FBXL13: variants seen among roughly 807,000 people sequenced by gnomAD.
FBXL13 encodes F-box and leucine rich repeat protein 13, also known as F-box and leucine-rich repeat protein 13.
A neutral mutation model predicts 83.6 loss-of-function variants in FBXL13; 67 were observed. The ratio of observed to expected loss-of-function variants is 0.80; its 90% CI spans 0.66 to 0.98. FBXL13 has a LOEUF of 0.98. FBXL13 is among the 50% of genes least tolerant of loss of function. FBXL13 has a pLI of 0.00. For synonymous variants in FBXL13, 272 were observed against 299.5 expected (o/e 0.91, Z 0.95); for missense variants, 822 against 866.5 (o/e 0.95, Z 0.64).
intron 6 of FBXL13, among the ~76,000 whole-genome samples, chr7:102,969,226 G>C (rs566150728): frequency 1.1e-4 from 17 of 152,026 alleles, no homozygotes; most frequent in African/African-American, 3.9e-4. Context: ...TATTTTTACT[G>C]TACATTTTCT....
At chr7:102,850,714 A>G (rs763709760) in intron 17 of FBXL13, among the ~76,000 whole-genome samples, 39 of 152,184 alleles carry the variant, frequency 2.6e-4, no homozygotes, top group Admixed American at 1.3e-4. Flanking sequence ...AAGAGTTACA[A>G]TATTTCCAAT....
exon 13 of FBXL13, chr7:102,883,578 G>C: frequency 6.2e-7 from 1 of 1,607,544 alleles, no homozygotes; most frequent in Non-Finnish European, 8.5e-7. Flanking sequence ...CTTCAAATCG[G>C]ATCTTTCTGA....
At chr7:102,917,521 A>G (rs1816144948) in intron 10 of FBXL13, among the ~76,000 whole-genome samples, 1 of 152,156 alleles carries the variant, frequency 6.6e-6, no homozygotes, top group Non-Finnish European at 1.5e-5. Context: ...AGATGGCGAG[A>G]CTTAAGGTGT....
intron 16 of FBXL13, among the ~76,000 whole-genome samples, chr7:102,855,072 T>A (rs1805837265): frequency 6.6e-6 from 1 of 152,196 alleles, no homozygotes; most frequent in Non-Finnish European, 1.5e-5. Context: ...TTGTCTCTAA[T>A]GTTTTACAAA....
chr7:102,987,773 GT>G (rs1464267138), intron 6 of FBXL13, among the ~76,000 whole-genome samples: 1 of 152,152 alleles, frequency 6.6e-6, no homozygotes, highest in Non-Finnish European at 1.5e-5. Context: ...TGGATGACAA[GT>G]GATGACACCA....
At chr7:103,047,677 T>A (rs1176120050) in intron 2 of FBXL13, among the ~76,000 whole-genome samples, 2 of 152,200 alleles carry the variant, frequency 1.3e-5, no homozygotes, top group Non-Finnish European at 2.9e-5. Context: ...ATATTAGAAT[T>A]TTATAAGTCC....
At chr7:102,994,845 AC>A (rs970041572) in intron 6 of FBXL13, among the ~76,000 whole-genome samples, 3 of 152,112 alleles carry the variant, frequency 2.0e-5, no homozygotes, top group African/African-American at 7.2e-5. Flanking sequence ...AGCTATGACA[AC>A]CCCAAAGTTA....
At chr7:102,824,564 C>T (rs1182026146) in intron 18 of FBXL13, among the ~76,000 whole-genome samples, 1 of 152,112 alleles carries the variant, frequency 6.6e-6, no homozygotes, top group Non-Finnish European at 1.5e-5. Flanking sequence ...CGGCTCACTG[C>T]AACCTCTGCC....
intron 8 of FBXL13, among the ~76,000 whole-genome samples, chr7:102,957,568 GA>G (rs1207848545): frequency 6.6e-6 from 1 of 151,788 alleles, no homozygotes; most frequent in East Asian, 1.9e-4. Context: ...TTCTGCACGG[GA>G]AAAAAACTGC....
intron 2 of FBXL13, among the ~76,000 whole-genome samples, chr7:103,053,049 G>A (rs894921645): frequency 6.6e-6 from 1 of 150,636 alleles, no homozygotes; most frequent in South Asian, 2.1e-4. Context: ...GAGCCACTGC[G>A]CCCAGCCGAC....
intron 6 of FBXL13, among the ~76,000 whole-genome samples, chr7:103,014,148 C>A (rs1337299874): frequency 6.6e-6 from 1 of 152,106 alleles, no homozygotes; most frequent in Non-Finnish European, 1.5e-5. Context: ...TAAGTCATGA[C>A]AGTAAGATTA....
At chr7:103,042,067 G>A (rs1333670761) in intron 2 of FBXL13, among the ~76,000 whole-genome samples, 1 of 152,188 alleles carries the variant, frequency 6.6e-6, no homozygotes, top group East Asian at 1.9e-4. Flanking sequence ...TGTATATTTA[G>A]AAAAACCCAT....
intron 18 of FBXL13, among the ~76,000 whole-genome samples, chr7:102,822,801 A>G (rs960062263): frequency 2.6e-5 from 4 of 152,212 alleles, no homozygotes; most frequent in African/African-American, 9.7e-5. Flanking sequence ...AGCAAGGCAC[A>G]GTGGCTCATG....
intron 1 of FBXL13, among the ~76,000 whole-genome samples, chr7:103,066,489 T>A (rs906450589): frequency 6.6e-6 from 1 of 152,090 alleles, no homozygotes; most frequent in East Asian, 1.9e-4. Context: ...CCTCCCGGGT[T>A]CACACCATTC....
chr7:102,975,902 G>A, intron 6 of FBXL13: 1 of 757,546 alleles, frequency 1.3e-6, no homozygotes, highest in Non-Finnish European at 2.4e-6. Flanking sequence ...GGCCCTGCAG[G>A]CCATGGGGCC....
At chr7:102,872,055 G>C (rs1808597400) in intron 16 of FBXL13, among the ~76,000 whole-genome samples, 1 of 152,110 alleles carries the variant, frequency 6.6e-6, no homozygotes, top group African/African-American at 2.4e-5. Flanking sequence ...CCTTGACACA[G>C]TATGACATTC....
At position 102,916,985 on chromosome 7, in the gene FBXL13, T is replaced by G. The variant is rs139878514; in HGVS notation, c.879-3770A>C. On this transcript the variant is annotated intron_variant, in intron 10 of 19. Coordinates refer to ENST00000313221, the Ensembl canonical transcript of FBXL13. Reference sequence around the variant, plus strand: ...ACACCTGAAGGACTTACTACTAAGATGAATGGAAAAGTATGTATTTAAATA... The same window carrying G: ...ACACCTGAAGGACTTACTACTAAGAGGAATGGAAAAGTATGTATTTAAATA... 3.7e-3 allele frequency among the ~76,000 whole-genome samples: 566 copies of G among 152,086 alleles called. 5 individuals are homozygous for G. Among genetic ancestry groups the G allele is most frequent in the African/African-American group, 0.013 (559 of 41,478 alleles).
chr7:102,892,411 C>T (rs551876242), intron 11 of FBXL13, among the ~76,000 whole-genome samples: 13 of 152,104 alleles, frequency 8.5e-5, no homozygotes, highest in African/African-American at 3.1e-4. Flanking sequence ...TTTTAACAAC[C>T]ATTTAAATTT....
intron 6 of FBXL13, among the ~76,000 whole-genome samples, chr7:102,986,067 A>G (rs1007843384): frequency 6.6e-6 from 1 of 151,388 alleles, no homozygotes; most frequent in Non-Finnish European, 1.5e-5. Flanking sequence ...CACTTTCCAA[A>G]TAATCTATTG....
Sources: gnomAD v4.1 joint callset for allele counts (sites outside exome capture counted in the v4.1 genomes callset) on GRCh38, gnomAD v4.1.1 for gene constraint, MANE v1.5 for transcripts, NCBI Gene and HGNC (gene_info 2026-07-23, HGNC 2026-07-21) for gene names.